USP22: variants seen among roughly 807,000 people sequenced by gnomAD.
USP22 encodes ubiquitin specific peptidase 22.
Under a neutral mutation model 68.1 loss-of-function variants are expected in USP22, and 22 were observed. That is an observed-to-expected ratio of 0.32 (90% CI 0.23 to 0.46). The LOEUF (loss-of-function observed/expected upper bound fraction) is 0.46, where lower values mean the gene tolerates loss of function less well. Ranked by LOEUF, USP22 falls within the 20% of genes least tolerant of loss-of-function variation. The probability of loss-of-function intolerance (pLI) is 1.00; values close to 1 mark genes in which losing one functional copy is unlikely to be tolerated. For missense variants in USP22, 433 were observed against 695.8 expected (o/e 0.62, Z 4.25); for synonymous variants, 279 against 274.2 (o/e 1.02, Z -0.17).
At chr17:21,008,580 G>A (rs555465910) in intron 8 of USP22, among the ~76,000 whole-genome samples, 3 of 152,194 alleles carry the variant, frequency 2.0e-5, no homozygotes, top group Non-Finnish European at 4.4e-5. Flanking sequence ...TGGAAATGCA[G>A]GAGTCCAGGG....
chr17:21,014,896 A>C (rs1241106123), intron 6 of USP22, among the ~76,000 whole-genome samples: 3 of 152,230 alleles, frequency 2.0e-5, no homozygotes, highest in Non-Finnish European at 4.4e-5. Context: ...CAGCGGCATC[A>C]ACATCAGCTG....
intron 12 of USP22, among the ~76,000 whole-genome samples, 169 bp from the exon 13 acceptor site, chr17:21,003,242 G>C (rs567144496): frequency 3.3e-5 from 5 of 152,012 alleles, no homozygotes; most frequent in Admixed American, 3.3e-4. Context: ...TGCTTCACTG[G>C]CTGGTGGCAC....
At chr17:21,030,829 G>A (rs1972280852) in intron 1 of USP22, among the ~76,000 whole-genome samples, 1 of 152,184 alleles carries the variant, frequency 6.6e-6, no homozygotes, top group Non-Finnish European at 1.5e-5. Context: ...ATTTTTAAAG[G>A]CATAAAGGAT....
intron 1 of USP22, among the ~76,000 whole-genome samples, chr17:21,041,792 G>A (rs1972436282): frequency 1.3e-5 from 2 of 152,224 alleles, no homozygotes; most frequent in African/African-American, 2.4e-5. Context: ...ATCACGTTAC[G>A]TTTTGATTTC....
Position 21,042,975 on chromosome 17 carries a change from A to G in USP22, c.-140T>C. On this transcript the variant is annotated 5_prime_UTR_variant, in exon 1 of 13. Coordinates refer to ENST00000261497, the MANE Select transcript of USP22 (RefSeq NM_015276.2). ...AGAACAAAGCGCGGAGGCCGGACAA[A>G]GATGGGGCTGCGCGATCGCCGAGGG... 2.3e-6 allele frequency: 1 copy of G among 431,500 alleles called. No homozygotes were observed. Among genetic ancestry groups the G allele is most frequent in the Non-Finnish European group, 3.7e-6 (1 of 272,986 alleles). 26.7% of individuals were successfully genotyped at this position (431,500 alleles called of 1,614,324 possible).
At chr17:21,027,230 G>T (rs1200950010) in intron 2 of USP22, among the ~76,000 whole-genome samples, 6 of 138,440 alleles carry the variant, frequency 4.3e-5, no homozygotes, top group Non-Finnish European at 9.2e-5. Flanking sequence ...CAAGGCCGCA[G>T]CGAGCCATGA....
rs1392768453 is a variant in USP22 at position 21,021,097 on chromosome 17, T to C, written c.418+16A>G. ...GAACTGCAGGATCAAGCAGGTAAAC[T>C]GAGGTGGAACCAAACCTTGCATTTT... is the stretch of plus-strand genomic sequence containing the variant. On this transcript the variant is annotated intron_variant, in intron 3 of 12. Coordinates refer to ENST00000261497, the MANE Select transcript of USP22 (RefSeq NM_015276.2). 6.3e-7 allele frequency: 1 copy of C among 1,599,922 alleles called. No individual in the cohort carries two copies. Among genetic ancestry groups the C allele is most frequent in the Non-Finnish European group, 8.6e-7 (1 of 1,167,270 alleles).
At chr17:21,003,199 G>A in intron 12 of USP22, 126 bp from the exon 13 acceptor site, 1 of 1,178,296 alleles carries the variant, frequency 8.5e-7, no homozygotes, top group Non-Finnish European at 1.2e-6. Context: ...CGAGTTGATG[G>A]TTTTGGCTTT....
intron 1 of USP22, among the ~76,000 whole-genome samples, chr17:21,035,618 T>G (rs1435934778): frequency 6.6e-6 from 1 of 151,990 alleles, no homozygotes; most frequent in Admixed American, 6.6e-5. Context: ...CCCAAGTTTT[T>G]CAACAGATAA....
chr17:21,027,806 C>G (rs547893542), intron 2 of USP22, among the ~76,000 whole-genome samples: 19 of 152,066 alleles, frequency 1.2e-4, no homozygotes, highest in Non-Finnish European at 2.5e-4. Flanking sequence ...CCCATCTCTA[C>G]TAAAAATACA....
At chr17:21,010,507 G>A (rs1025542533) in intron 8 of USP22, among the ~76,000 whole-genome samples, 2 of 151,162 alleles carry the variant, frequency 1.3e-5, no homozygotes, top group Non-Finnish European at 1.5e-5. Context: ...TAAAACCCCC[G>A]CTCTACTAAA....
chr17:21,023,886 A>T (rs918101643), intron 2 of USP22, among the ~76,000 whole-genome samples: 4 of 152,150 alleles, frequency 2.6e-5, no homozygotes, highest in African/African-American at 9.7e-5. Flanking sequence ...CTGTGTGATG[A>T]TTAGGTTAGT....
At position 20,999,629 on chromosome 17, in the gene USP22, G is replaced by A. The variant is rs995521686; in HGVS notation, c.*3402C>T. Reference sequence around the variant, plus strand: ...AATGTAGCTTTATTATGACATAGGAGAGACTACAAAGCACTGGGGGGGAGG... The same window carrying A: ...AATGTAGCTTTATTATGACATAGGAAAGACTACAAAGCACTGGGGGGGAGG... On this transcript the variant is annotated 3_prime_UTR_variant, in exon 13 of 13. Coordinates refer to ENST00000261497, the MANE Select transcript of USP22 (RefSeq NM_015276.2). The A allele has an allele frequency of 3.9e-5, 6 of 152,178 alleles. No homozygotes were observed. Among genetic ancestry groups the A allele is most frequent in the African/African-American group, 1.2e-4 (5 of 41,414 alleles). The allele number at this position is 152,178 out of a possible 1,614,324, so 9.4% of individuals were successfully genotyped here. A position where few individuals can be genotyped will look rare whatever the true frequency, so the allele number is the denominator to read the frequency against.
chr17:21,034,283 A>T (rs1972328197), intron 1 of USP22, among the ~76,000 whole-genome samples: 1 of 152,176 alleles, frequency 6.6e-6, no homozygotes, highest in South Asian at 2.1e-4. Context: ...GACTGACCTC[A>T]TTTCAAGGCT....
In USP22 at chr17:21,006,927, C is replaced by A; in HGVS notation, c.1291G>T (p.Glu431Ter). The change falls in exon 10 of 13, where the codon GAG becomes TAG. Residue 431 changes from glutamate to a stop codon, truncating the protein, a stop_gained. Coordinates refer to ENST00000261497, the MANE Select transcript of USP22 (RefSeq NM_015276.2). LOFTEE classifies it high-confidence loss of function. Reference sequence around the variant, plus strand: ...GCCATGAAAGGGGTCATGTCCAGCTCCAGGGGGAAGGACACATACGTGGTG... The same window carrying A: ...GCCATGAAAGGGGTCATGTCCAGCTACAGGGGGAAGGACACATACGTGGTG... ...KITTYVSFPL[E>*]LDMTPFMASS... The A allele has an allele frequency of 6.2e-7, 1 of 1,609,496 alleles. No homozygotes were observed. The highest frequency in any genetic ancestry group is 1.1e-5 in the South Asian group (1 of 90,098).
At chr17:21,024,326 T>A (rs899924408) in intron 2 of USP22, among the ~76,000 whole-genome samples, 36 of 152,186 alleles carry the variant, frequency 2.4e-4, no homozygotes, top group African/African-American at 8.7e-4. Context: ...GGAAGACGGA[T>A]CACCATTCCA....
intron 12 of USP22, 50 bp from the exon 13 acceptor site, chr17:21,003,123 G>C: frequency 6.2e-7 from 1 of 1,608,224 alleles, no homozygotes; most frequent in Non-Finnish European, 8.5e-7. Flanking sequence ...CCTAAGACAG[G>C]AGCCAGAACA....
At chr17:21,038,566 G>T (rs1301700672) in intron 1 of USP22, among the ~76,000 whole-genome samples, 1 of 151,956 alleles carries the variant, frequency 6.6e-6, no homozygotes. Context: ...TACTTGGGAG[G>T]CTGAGGCAGG....
chr17:21,031,251 C>T (rs1004797316), intron 1 of USP22, among the ~76,000 whole-genome samples: 15 of 152,094 alleles, frequency 9.9e-5, no homozygotes, highest in African/African-American at 2.2e-4. Context: ...CTTGCAACAC[C>T]GCAGAGCTGA....
Sources: gnomAD v4.1 joint callset for allele counts (sites outside exome capture counted in the v4.1 genomes callset) on GRCh38, gnomAD v4.1.1 for gene constraint, MANE v1.5 for transcripts, NCBI Gene and HGNC (gene_info 2026-07-23, HGNC 2026-07-21) for gene names.